The following WDR17 variants were observed in gnomAD, a reference collection of about 807,000 sequenced individuals.
WDR17 encodes WD repeat domain 17.
Under a neutral mutation model 161.7 loss-of-function variants are expected in WDR17, and 143 were observed. The observed-to-expected ratio is 0.88, with a 90% CI of 0.77 to 1.02. WDR17 has a LOEUF of 1.02. Ranked by LOEUF, WDR17 falls within the 50% of genes least tolerant of loss-of-function variation. The pLI, the probability that WDR17 is intolerant of heterozygous loss-of-function variation, is 0.00. For missense variants in WDR17, 1,469 were observed against 1,520.9 expected, an observed-to-expected ratio of 0.97 and a Z score of 0.57; for synonymous variants, 517 against 515.6, an observed-to-expected ratio of 1.00 and a Z score of -0.04.
At chr4:176,131,796 C>A in intron 7 of WDR17, 58 bp downstream of exon 7, 1 of 1,272,694 alleles carries the variant, frequency 7.9e-7, no homozygotes, top group Non-Finnish European at 1.0e-6. Context: ...AACCCATGAT[C>A]TTTACTTTTA....
At chr4:176,126,265 T>C (rs1434777653) in intron 5 of WDR17, among the ~76,000 whole-genome samples, 4 of 152,094 alleles carry the variant, frequency 2.6e-5, no homozygotes, top group Admixed American at 6.5e-5. Context: ...AGCTAAGTAG[T>C]GATAGGGGAT....
At position 176,173,354 on chromosome 4, in the gene WDR17, T is replaced by C; in HGVS notation, c.3332T>C (p.Leu1111Ser). Residue 1111 changes from leucine to serine, a missense_variant, in exon 25 of 29, where the codon TTG becomes TCG. Physicochemically the swap from Leu to Ser is moderately radical, Grantham distance 145. Coordinates refer to ENST00000508596, the MANE Select transcript of WDR17 (RefSeq NM_181265.4). ...TATATTCGTACTGAAAAATTACTCT[T>C]GCATACGTGTACTGAGTGAGTATTT... ...LSYIRTEKLLLHTCTEARNEL... is the reference protein window; with the variant it reads ...LSYIRTEKLLSHTCTEARNEL... The C allele has an allele frequency of 2.5e-6, 4 of 1,610,824 alleles. No individual in the cohort carries two copies. The highest frequency in any genetic ancestry group is 3.4e-6 in the Non-Finnish European group (4 of 1,177,910).
rs191628816 is a variant in WDR17 at position 176,169,468 on chromosome 4, T to A, written c.3102+685T>A. ...TTAAATAGAAAGCAGATCACAAAAC[T>A]ATGCATATGCCATATGATTTTGGTT... On this transcript the variant is annotated intron_variant, in intron 23 of 28. Coordinates refer to ENST00000508596, the MANE Select transcript of WDR17 (RefSeq NM_181265.4). Among the ~76,000 whole-genome samples, 879 of 152,178 alleles carry A rather than the reference T, an allele frequency of 5.8e-3. 4 individuals carry two copies. Among genetic ancestry groups the A allele is most frequent in the Non-Finnish European group, 9.1e-3 (617 of 67,998 alleles).
At chr4:176,100,008 A>G (rs983404637) in intron 1 of WDR17, among the ~76,000 whole-genome samples, 3 of 152,176 alleles carry the variant, frequency 2.0e-5, no homozygotes, top group African/African-American at 7.2e-5. Flanking sequence ...AGTTGATTCT[A>G]TAGCTTTGCT....
At chr4:176,172,354 T>A (rs4538426) in intron 23 of WDR17, 21 bp from the exon 24 acceptor site, 2 of 1,596,442 alleles carry the variant, frequency 1.3e-6, no homozygotes, top group South Asian at 1.1e-5. Context: ...TAACATTGTT[T>A]TCAAATCAAT....
At chr4:176,126,887 A>C (rs1482260119) in intron 5 of WDR17, among the ~76,000 whole-genome samples, 2 of 152,168 alleles carry the variant, frequency 1.3e-5, no homozygotes, top group Non-Finnish European at 2.9e-5. Flanking sequence ...CCCTCACTCC[A>C]TTCCACTGCC....
At chr4:176,160,622 G>A (rs1037674315) in intron 19 of WDR17, among the ~76,000 whole-genome samples, 4 of 152,038 alleles carry the variant, frequency 2.6e-5, no homozygotes, top group Non-Finnish European at 4.4e-5. Flanking sequence ...ACACACAGCC[G>A]AACTTATTTT....
In WDR17 at chr4:176,120,094, C is replaced by G. The variant is rs373287384; in HGVS notation, c.535C>G (p.Pro179Ala). ...HIDGSLSIFH[P>A]GNKNQKHVLR... ...TGATGGAAGTCTATCAATTTTTCAT[C>G]CAGGTAAGAATTTAATTAGCAAGGT... The change falls in exon 4 of 29, where the codon CCA becomes GCA. Residue 179 changes from proline (P) to alanine (A), a missense_variant. Transcript: ENST00000508596. The G allele has an allele frequency of 6.2e-7, 1 of 1,610,842 alleles. No individual in the cohort carries two copies. The highest frequency in any genetic ancestry group is 8.5e-7 in the Non-Finnish European group (1 of 1,177,566).
rs79703335 is a variant in WDR17 at position 176,173,194 on chromosome 4, A to G, written c.3245-73A>G. Reference sequence around the variant, plus strand: ...GACTGACTGACAGAAAATTAATTATATAAGTTAAAAATGGATGAATAAATT... The same window carrying G: ...GACTGACTGACAGAAAATTAATTATGTAAGTTAAAAATGGATGAATAAATT... On this transcript the variant is annotated intron_variant, in intron 24 of 28. Transcript: ENST00000508596. The G allele has an allele frequency of 7.9e-3, 7,862 of 990,962 alleles. 42 individuals are homozygous for G. The highest frequency in any genetic ancestry group is 0.024 in the Middle Eastern group (77 of 3,254). The allele number at this position is 990,962 out of a possible 1,614,324, so 61.4% of individuals were successfully genotyped here.
intron 1 of WDR17, among the ~76,000 whole-genome samples, chr4:176,099,109 G>GTAA (rs1421320656): frequency 6.6e-6 from 1 of 152,066 alleles, no homozygotes; most frequent in Non-Finnish European, 1.5e-5. Context: ...AGAAACTGCT[G>GTAA]GTTTCTAGTT....
chr4:176,084,772 TTATATATATATATAAAATA>T (rs1055747366), intron 1 of WDR17, among the ~76,000 whole-genome samples: 4 of 146,530 alleles, frequency 2.7e-5, no homozygotes, highest in Non-Finnish European at 6.0e-5. Context: ...ATATTATATA[TTATATATATATATAAAATA>T]TATATATATA....
In WDR17 at chr4:176,149,976, A is replaced by G. The variant is rs375592156; in HGVS notation, c.2047+20A>G. 8.7e-6 allele frequency: 14 copies of G among 1,610,242 alleles called. No individual in the cohort carries two copies. Among genetic ancestry groups the G allele is most frequent in the African/African-American group, 1.3e-5 (1 of 74,648 alleles). On this transcript the variant is annotated intron_variant, in intron 14 of 28. Transcript: ENST00000508596. ...ACACTGGTATGGAACATATACATGTATTAGAGTTTATTTCTAAATAAGTTT... is the reference window on the plus strand; with the variant it reads ...ACACTGGTATGGAACATATACATGTGTTAGAGTTTATTTCTAAATAAGTTT...
chr4:176,150,610 A>C lies in WDR17; in HGVS notation c.2304+17A>C. 1 of 1,572,856 alleles carries C rather than the reference A, an allele frequency of 6.4e-7. No individual in the cohort carries two copies. The highest frequency in any genetic ancestry group is 8.6e-7 in the Non-Finnish European group (1 of 1,164,478). ...TTTAGAACAGTGAGTAAAATATGCAAATATGATGTACTCAAGCAAATTTTT... is the reference window on the plus strand; with the variant it reads ...TTTAGAACAGTGAGTAAAATATGCACATATGATGTACTCAAGCAAATTTTT... On this transcript the variant is annotated intron_variant, in intron 16 of 28. Coordinates refer to ENST00000508596, the MANE Select transcript of WDR17 (RefSeq NM_181265.4).
At chr4:176,154,893 A>T (rs1271822785) in intron 17 of WDR17, among the ~76,000 whole-genome samples, 1 of 152,178 alleles carries the variant, frequency 6.6e-6, no homozygotes, top group Non-Finnish European at 1.5e-5. Context: ...ACTGGAATCC[A>T]ATGAAATCTG....
At chr4:176,159,313 G>GAAGAGA (rs1748671635) in intron 18 of WDR17, among the ~76,000 whole-genome samples, 1 of 143,778 alleles carries the variant, frequency 7.0e-6, no homozygotes, top group African/African-American at 2.6e-5. Flanking sequence ...ACACACAGAT[G>GAAGAGA]GAGAGAGAGA....
intron 1 of WDR17, among the ~76,000 whole-genome samples, chr4:176,085,894 T>A (rs1324495781): frequency 6.6e-6 from 1 of 152,030 alleles, no homozygotes; most frequent in Non-Finnish European, 1.5e-5. Flanking sequence ...TTGACTTTTC[T>A]TCCTTTTCCT....
intron 1 of WDR17, among the ~76,000 whole-genome samples, chr4:176,074,308 ACAC>A (rs1262097440): frequency 4.6e-5 from 7 of 151,406 alleles, no homozygotes; most frequent in Non-Finnish European, 8.8e-5. Context: ...TGTCACCAGA[ACAC>A]CTTTTCCCTT....
chr4:176,170,026 C>T (rs1196327602), intron 23 of WDR17, among the ~76,000 whole-genome samples: 1 of 152,100 alleles, frequency 6.6e-6, no homozygotes, highest in African/African-American at 2.4e-5. Context: ...TGTACACTAA[C>T]AGCTATCCTC....
intron 1 of WDR17, among the ~76,000 whole-genome samples, chr4:176,067,364 T>C (rs1732666358): frequency 1.3e-5 from 2 of 152,226 alleles, no homozygotes; most frequent in Non-Finnish European, 1.5e-5. Flanking sequence ...TTAGAGTTCC[T>C]GGGAAGTTTT....
Sources: allele counts gnomAD v4.1 joint callset (sites outside exome capture counted in the v4.1 genomes callset), GRCh38; gene constraint gnomAD v4.1.1; transcripts MANE v1.5; gene names NCBI Gene and HGNC (gene_info 2026-07-23, HGNC 2026-07-21).